The following PKD1L3 variants were observed in gnomAD, a reference collection of about 807,000 sequenced individuals.
The protein encoded by PKD1L3 is polycystin 1 like 3, transient receptor potential channel interacting.
In PKD1L3, 239 loss-of-function variants were observed where a neutral mutation model predicts 184.1. The ratio of observed to expected loss-of-function variants is 1.30; its 90% CI spans 1.17 to 1.45. PKD1L3 has a LOEUF of 1.45. PKD1L3 is among the 40% of genes most tolerant of loss of function. The probability of loss-of-function intolerance (pLI) is 0.00; values close to 1 mark genes in which losing one functional copy is unlikely to be tolerated. For synonymous variants in PKD1L3, 996 were observed against 778.8 expected, an observed-to-expected ratio of 1.28 and a Z score of -4.64; for missense variants, 2,660 against 2,067.2, an observed-to-expected ratio of 1.29 and a Z score of -5.56.
chr16:71,978,475 A>ATG lies in PKD1L3; in HGVS notation c.1399-94_1399-93dup, dbSNP rs67658205. 1.9e-4 allele frequency: 75 copies of ATG among 385,846 alleles called. 1 individual carries two copies. Among genetic ancestry groups the ATG allele is most frequent in the East Asian group, 4.5e-4 (9 of 20,054 alleles). 23.9% of individuals were successfully genotyped at this position (385,846 alleles called of 1,614,324 possible). A position where few individuals can be genotyped will look rare whatever the true frequency, so the allele number is the denominator to read the frequency against. ...ATATATCATATATACATATGTATATATGTGTGTGTGTGTGTGTGTGTATAT... is the reference window on the plus strand; with the variant it reads ...ATATATCATATATACATATGTATATATGTGTGTGTGTGTGTGTGTGTGTATAT... On this transcript the variant is annotated intron_variant, in intron 9 of 29. Transcript: ENST00000620267.
intron 16 of PKD1L3, among the ~76,000 whole-genome samples, chr16:71,957,886 G>C (rs953399083): frequency 9.9e-5 from 15 of 152,264 alleles, no homozygotes; most frequent in African/African-American, 3.6e-4. Flanking sequence ...TTTATTAAAG[G>C]GTCAATTAAG....
chr16:71,970,698 C>G (rs1198634976), intron 12 of PKD1L3, among the ~76,000 whole-genome samples: 1 of 152,112 alleles, frequency 6.6e-6, no homozygotes, highest in Non-Finnish European at 1.5e-5. Flanking sequence ...GTCCCAGCTA[C>G]TTGGGAGGCT....
intron 7 of PKD1L3, among the ~76,000 whole-genome samples, chr16:71,980,484 T>C (rs565439030): frequency 3.2e-4 from 48 of 152,284 alleles, no homozygotes; most frequent in Middle Eastern, 3.4e-3. Context: ...TTTTAGTATA[T>C]TCACAGGATT....
Position 71,930,050 on chromosome 16 carries a change from A to T in PKD1L3, c.5058+2T>A, listed in dbSNP as rs2037876109. ...ATGCTAGTTTATCTTTTAGTTACCT[A>T]CCTTAAGCGACTTTCTTTCTTTTCC... On this transcript the variant is annotated splice_donor_variant, in intron 29 of 29. Transcript: ENST00000620267. LOFTEE classifies it high-confidence loss of function. 2 of 1,548,204 alleles carry T rather than the reference A, an allele frequency of 1.3e-6. No homozygotes were observed. The highest frequency in any genetic ancestry group is 2.7e-5 in the African/African-American group (2 of 72,774).
intron 16 of PKD1L3, among the ~76,000 whole-genome samples, chr16:71,956,890 C>T (rs1567512686): frequency 6.6e-6 from 1 of 152,188 alleles, no homozygotes; most frequent in Admixed American, 6.5e-5. Flanking sequence ...TGCAACTCTT[C>T]TGCCTTAAAA....
At chr16:71,985,903 G>A (rs573450135) in intron 5 of PKD1L3, among the ~76,000 whole-genome samples, 1 of 152,340 alleles carries the variant, frequency 6.6e-6, no homozygotes. Context: ...AAACAAGGCG[G>A]AGAGAGGGGA....
chr16:71,978,491 GTGTGTA>G (rs1438568410), intron 9 of PKD1L3, 108 bp from the exon 10 acceptor site: 19 of 123,642 alleles, frequency 1.5e-4, no homozygotes, highest in Admixed American at 1.5e-3. Flanking sequence ...GTGTGTGTGT[GTGTGTA>G]TATATATATA....
intron 23 of PKD1L3, among the ~76,000 whole-genome samples, chr16:71,943,664 GA>G (rs1307534737): frequency 6.6e-6 from 1 of 151,982 alleles, no homozygotes; most frequent in Non-Finnish European, 1.5e-5. Context: ...GATAAAAGCA[GA>G]ATTTGTCTTA....
chr16:71,990,225 G>A, intron 4 of PKD1L3, 55 bp downstream of exon 4: 1 of 1,401,028 alleles, frequency 7.1e-7, no homozygotes, highest in Non-Finnish European at 9.9e-7. Flanking sequence ...AGATCTACTA[G>A]GTATGACAAA....
chr16:71,971,422 C>A (rs1049849027), intron 12 of PKD1L3, among the ~76,000 whole-genome samples: 27 of 152,144 alleles, frequency 1.8e-4, no homozygotes, highest in African/African-American at 4.8e-5. Context: ...ATGACTACTT[C>A]TTTCCATGGC....
chr16:71,957,625 C>T (rs2039097283), intron 16 of PKD1L3, among the ~76,000 whole-genome samples: 1 of 152,104 alleles, frequency 6.6e-6, no homozygotes, highest in Admixed American at 6.5e-5. Flanking sequence ...TGGTGAAACC[C>T]CATCTCTAAA....
At chr16:71,968,149 A>G (rs2039571708) in intron 13 of PKD1L3, 142 bp from the exon 14 acceptor site, 3 of 643,350 alleles carry the variant, frequency 4.7e-6, no homozygotes, top group Non-Finnish European at 8.0e-6. Flanking sequence ...TGGGCAGCAG[A>G]CAGACACATG....
rs1329490085 is a variant in PKD1L3, at chr16:71,980,095, T to C, written c.1183A>G (p.Asn395Asp). 1.3e-6 allele frequency: 2 copies of C among 1,551,686 alleles called. No individual in the cohort carries two copies. The highest frequency in any genetic ancestry group is 2.4e-5 in the South Asian group (2 of 84,062). ...TGCTCTAGAAATGCTTCCCCGATAT[T>C]CCCAAACTCCACCAAGGACATTTCC... ...ILEMSLVEFG[N>D]IGEAFLEQNQ... The change falls in exon 8 of 30, where the codon AAT becomes GAT. Residue 395 changes from asparagine to aspartate, a missense_variant. By Grantham distance (23) the Asn-to-Asp change is conservative. Coordinates refer to ENST00000620267, the MANE Select transcript of PKD1L3 (RefSeq NM_181536.2).
intron 16 of PKD1L3, among the ~76,000 whole-genome samples, chr16:71,960,145 C>G (rs2039216755): frequency 6.7e-6 from 1 of 149,082 alleles, no homozygotes; most frequent in African/African-American, 2.5e-5. Flanking sequence ...AACCAACCAA[C>G]AAACCAAGAG....
chr16:71,962,167 G>C (rs1461512818), intron 16 of PKD1L3, among the ~76,000 whole-genome samples: 1 of 151,996 alleles, frequency 6.6e-6, no homozygotes, highest in Non-Finnish European at 1.5e-5. Flanking sequence ...CAAGTGATTT[G>C]TCCACCTCGG....
rs2038903781 is a variant in PKD1L3 at position 71,952,986 on chromosome 16, G to T, written c.2917C>A (p.Pro973Thr). 1 of 1,549,748 alleles carries T rather than the reference G, an allele frequency of 6.5e-7. No individual in the cohort carries two copies. The highest frequency in any genetic ancestry group is 8.7e-7 in the Non-Finnish European group (1 of 1,146,294). Residue 973 changes from proline (P) to threonine (T), a missense_variant, in exon 18 of 30, where the codon CCA becomes ACA. Physicochemically the swap from Pro to Thr is conservative, Grantham distance 38. Transcript: ENST00000620267. ...VIGRLFPLIEPQETLPLFPPI... is the reference protein window; with the variant it reads ...VIGRLFPLIETQETLPLFPPI... ...GGAAAGAGGGGCAGAGTCTCCTGTG[G>T]CTCAATCAACGGGAAGAGCCGCCCT...
chr16:71,955,179 A>G (rs1357386871), intron 16 of PKD1L3, among the ~76,000 whole-genome samples: 1 of 152,136 alleles, frequency 6.6e-6, no homozygotes, highest in East Asian at 1.9e-4. Context: ...GCCCAGTTCT[A>G]GACTGGAGAT....
chr16:71,999,805 T>G lies in PKD1L3; in HGVS notation c.174A>C (p.Leu58=). The part of the protein sequence containing the change: ...QHYCHVQRGF[L]AHIWNKEVQD... ...GAACTTCCTTGTTCCAAATATGAGC[T>G]AGGAATCCTCTCTGCACATGACAGT... The change falls in exon 1 of 30, where the codon CTA becomes CTC. Residue 58 remains leucine (L), a synonymous_variant. Transcript: ENST00000620267. 1.3e-6 allele frequency: 2 copies of G among 1,551,716 alleles called. No homozygotes were observed. Among genetic ancestry groups the G allele is most frequent in the Non-Finnish European group, 1.7e-6 (2 of 1,146,994 alleles).
At chr16:71,940,246 G>C (rs967087179) in intron 24 of PKD1L3, among the ~76,000 whole-genome samples, 18 of 152,124 alleles carry the variant, frequency 1.2e-4, no homozygotes, top group African/African-American at 4.1e-4. Flanking sequence ...TGCTGTATGA[G>C]AGAATCTGGA....
Sources: gnomAD v4.1 joint callset for allele counts (sites outside exome capture counted in the v4.1 genomes callset) on GRCh38, gnomAD v4.1.1 for gene constraint, MANE v1.5 for transcripts, NCBI Gene and HGNC (gene_info 2026-07-23, HGNC 2026-07-21) for gene names.